The following LMBRD1 variants were observed in gnomAD, a reference collection of about 807,000 sequenced individuals.
The protein encoded by LMBRD1 is lysosomal cobalamin transport escort protein LMBD1.
LMBRD1 carries 64 observed loss-of-function variants against 74.8 expected under a neutral mutation model. The observed-to-expected ratio is 0.86, with a 90% CI of 0.70 to 1.05. LMBRD1 has a LOEUF of 1.05. Ranked by LOEUF, LMBRD1 falls within the 50% of genes least tolerant of loss-of-function variation. LMBRD1 has a pLI of 0.00. For missense variants in LMBRD1, 652 were observed against 645.9 expected (o/e 1.01, Z -0.10); for synonymous variants, 204 against 216.3 (o/e 0.94, Z 0.50).
In LMBRD1 at chr6:69,700,871, TG is replaced by T; in HGVS notation, c.1084-3del. On this transcript the variant is annotated splice_polypyrimidine_tract_variant and splice_region_variant and intron_variant, in intron 11 of 15. Transcript: ENST00000649934. ...AAGAATATAATCAAGAGGGAAAACC[TG>T]AAAAAAAAAGATGAAATTAAATTTA... is the stretch of plus-strand genomic sequence containing the variant. 2.2e-6 allele frequency: 3 copies of T among 1,368,264 alleles called. No individual in the cohort carries two copies. The highest frequency in any genetic ancestry group is 3.0e-6 in the Non-Finnish European group (3 of 999,562). 84.8% of individuals were successfully genotyped at this position (1,368,264 alleles called of 1,614,324 possible). A position where few individuals can be genotyped will look rare whatever the true frequency, so the allele number is the denominator to read the frequency against.
chr6:69,700,569 GCAAAAT>G (rs958049685), intron 12 of LMBRD1, among the ~76,000 whole-genome samples, 190 bp downstream of exon 12: 6 of 151,684 alleles, frequency 4.0e-5, no homozygotes, highest in Non-Finnish European at 3.0e-5. Flanking sequence ...TTTCCGGGGG[GCAAAAT>G]CACCCCCATT....
intron 7 of LMBRD1, among the ~76,000 whole-genome samples, chr6:69,737,112 AT>A (rs1456943641): frequency 1.3e-5 from 2 of 152,126 alleles, no homozygotes; most frequent in Non-Finnish European, 2.9e-5. Flanking sequence ...CATTTCCTTT[AT>A]GTCTAAAGGA....
Position 69,700,844 on chromosome 6 carries a change from A to T in LMBRD1, c.1109T>A (p.Ile370Lys), listed in dbSNP as rs1484027580. The change falls in exon 12 of 16, where the codon ATA becomes AAA. Residue 370 changes from isoleucine to lysine, a missense_variant. By Grantham distance (102) the Ile-to-Lys change is moderately radical. Coordinates refer to ENST00000649934, the MANE Select transcript of LMBRD1 (RefSeq NM_018368.4). ...AATAAAGTACATAATAATAATTGTTATAAGAATATAATCAAGAGGGAAAAC... is the reference window on the plus strand; with the variant it reads ...AATAAAGTACATAATAATAATTGTTTTAAGAATATAATCAAGAGGGAAAAC... ...QTVFPLDYIL[I>K]TIIIMYFIFT... 2 of 1,443,620 alleles carry T rather than the reference A, an allele frequency of 1.4e-6. No homozygotes were observed. Among genetic ancestry groups the T allele is most frequent in the Non-Finnish European group, 1.9e-6 (2 of 1,060,422 alleles). The allele number at this position is 1,443,620 out of a possible 1,614,324, so 89.4% of individuals were successfully genotyped here. A position where few individuals can be genotyped will look rare whatever the true frequency, so the allele number is the denominator to read the frequency against.
At chr6:69,751,593 G>A (rs1172635063) in intron 4 of LMBRD1, among the ~76,000 whole-genome samples, 1 of 152,182 alleles carries the variant, frequency 6.6e-6, no homozygotes, top group African/African-American at 2.4e-5. Context: ...CTCCCAAAGT[G>A]CTGGGATTAC....
chr6:69,685,126 A>AT (rs1765737135), intron 14 of LMBRD1, among the ~76,000 whole-genome samples: 1 of 132,114 alleles, frequency 7.6e-6, no homozygotes, highest in African/African-American at 2.5e-5. Flanking sequence ...CAAAGGAAAA[A>AT]AGAGAGCACA....
chr6:69,759,734 A>C (rs1160875042), intron 3 of LMBRD1, among the ~76,000 whole-genome samples: 1 of 152,124 alleles, frequency 6.6e-6, no homozygotes, highest in East Asian at 1.9e-4. Context: ...CTAAATCAAA[A>C]CACAGAAGCC....
chr6:69,676,601 T>A, intron 14 of LMBRD1, 60 bp from the exon 15 acceptor site: 3 of 1,253,542 alleles, frequency 2.4e-6, no homozygotes, highest in Non-Finnish European at 3.5e-6. Context: ...TGATGATTAA[T>A]ACTTTCTCTA....
Position 69,705,960 on chromosome 6 carries a change from G to A in LMBRD1, c.916-4007C>T, listed in dbSNP as rs1554232210. On this transcript the variant is annotated intron_variant, in intron 9 of 15. Coordinates refer to ENST00000649934, the MANE Select transcript of LMBRD1 (RefSeq NM_018368.4). ...GTGTTACTTTAATTGGACTGCCTTT[G>A]TAATACACTGCCTCTGCTTCAACGA... The A allele has an allele frequency of 4.7e-5, 48 of 1,019,596 alleles. 1 individual carries two copies. In the South Asian group the frequency reaches 5.8e-4, roughly 12 times the overall value. 63.2% of individuals were successfully genotyped at this position (1,019,596 alleles called of 1,614,324 possible).
intron 7 of LMBRD1, among the ~76,000 whole-genome samples, chr6:69,737,177 C>T (rs1302651173): frequency 6.6e-6 from 1 of 152,086 alleles, no homozygotes; most frequent in Non-Finnish European, 1.5e-5. Context: ...GAATTTTCAT[C>T]TTTGCAAGAA....
intron 7 of LMBRD1, among the ~76,000 whole-genome samples, chr6:69,735,288 A>G (rs1455817317): frequency 1.3e-5 from 2 of 152,114 alleles, no homozygotes; most frequent in African/African-American, 2.4e-5. Context: ...TTTCAGACAT[A>G]CCAATTCACC....
At chr6:69,771,265 T>C (rs1400952490) in intron 3 of LMBRD1, among the ~76,000 whole-genome samples, 1 of 152,214 alleles carries the variant, frequency 6.6e-6, no homozygotes, top group Non-Finnish European at 1.5e-5. Context: ...CCAGGTTCAC[T>C]CACTGCGTTT....
intron 12 of LMBRD1, among the ~76,000 whole-genome samples, chr6:69,700,281 T>C (rs1766097201): frequency 6.6e-6 from 1 of 151,904 alleles, no homozygotes; most frequent in Non-Finnish European, 1.5e-5. Context: ...AAAATAAGCA[T>C]TTGAAGAAAA....
intron 3 of LMBRD1, among the ~76,000 whole-genome samples, chr6:69,773,901 A>T (rs1416976329): frequency 6.6e-6 from 1 of 152,218 alleles, no homozygotes; most frequent in Admixed American, 6.5e-5. Context: ...ATCAATATAG[A>T]TGTTTCAAAT....
intron 6 of LMBRD1, among the ~76,000 whole-genome samples, chr6:69,739,367 G>T (rs1767047396): frequency 6.6e-6 from 1 of 151,986 alleles, no homozygotes; most frequent in Non-Finnish European, 1.5e-5. Context: ...ACCTGAAGAT[G>T]CATTCTCTTT....
intron 14 of LMBRD1, among the ~76,000 whole-genome samples, chr6:69,677,278 T>A (rs968189881): frequency 6.6e-5 from 10 of 152,250 alleles, no homozygotes; most frequent in Middle Eastern, 3.4e-3. Flanking sequence ...CAGCATCCCC[T>A]CCTTCAAGGT....
intron 7 of LMBRD1, among the ~76,000 whole-genome samples, chr6:69,729,339 G>A (rs375232633): frequency 3.3e-5 from 5 of 150,562 alleles, no homozygotes; most frequent in African/African-American, 1.2e-4. Context: ...CAATTATAAC[G>A]CATAGGTATA....
At chr6:69,691,611 T>G (rs1456419638) in intron 14 of LMBRD1, among the ~76,000 whole-genome samples, 1 of 152,084 alleles carries the variant, frequency 6.6e-6, no homozygotes, top group Non-Finnish European at 1.5e-5. Context: ...GCACGTTGGC[T>G]CAAGCCTGTA....
chr6:69,710,948 A>G (rs1766369495), intron 9 of LMBRD1, among the ~76,000 whole-genome samples: 1 of 152,168 alleles, frequency 6.6e-6, no homozygotes, highest in Admixed American at 6.5e-5. Flanking sequence ...ATTCTACTCA[A>G]GTATTTATCC....
At chr6:69,755,519 G>A (rs1485447378) in intron 3 of LMBRD1, among the ~76,000 whole-genome samples, 6 of 149,492 alleles carry the variant, frequency 4.0e-5, no homozygotes, top group Admixed American at 2.7e-4. Context: ...TGACAGGTGC[G>A]GCAAACCACC....
Sources: allele counts gnomAD v4.1 joint callset (sites outside exome capture counted in the v4.1 genomes callset), GRCh38; gene constraint gnomAD v4.1.1; transcripts MANE v1.5; gene names NCBI Gene and HGNC (gene_info 2026-07-23, HGNC 2026-07-21).